The following NSF variants were observed in gnomAD, a reference collection of about 807,000 sequenced individuals.
The protein encoded by NSF is N-ethylmaleimide sensitive factor, vesicle fusing ATPase, also known as vesicle-fusing ATPase.
In NSF, 14 loss-of-function variants were observed where a neutral mutation model predicts 50.3. That is an observed-to-expected ratio of 0.28 (90% CI 0.18 to 0.44). The LOEUF (loss-of-function observed/expected upper bound fraction) is 0.44. NSF is among the 20% of genes least tolerant of loss of function. The pLI is 1.00. For synonymous variants in NSF, 109 were observed against 175.7 expected, an observed-to-expected ratio of 0.62 and a Z score of 3.00; for missense variants, 218 against 504.3, an observed-to-expected ratio of 0.43 and a Z score of 5.44.
At chr17:46,711,192 C>G (rs2058716314) in intron 14 of NSF, 73 bp downstream of exon 14, 1 of 1,338,672 alleles carries the variant, frequency 7.5e-7, no homozygotes, top group African/African-American at 1.5e-5. Flanking sequence ...CCCGTAAGCA[C>G]ATTCTAGAAA....
intron 17 of NSF, among the ~76,000 whole-genome samples, chr17:46,737,562 GGTGTGTGTGC>G (rs1342083372): frequency 2.4e-5 from 3 of 124,722 alleles, no homozygotes; most frequent in African/African-American, 8.2e-5. Flanking sequence ...GTTCACCTAG[GGTGTGTGTGC>G]GTGTGTGTGT....
intron 15 of NSF, among the ~76,000 whole-genome samples, chr17:46,716,747 A>T (rs116306872): frequency 1.5e-3 from 224 of 152,338 alleles, no homozygotes; most frequent in African/African-American, 5.2e-3. Context: ...AGAAAATAAC[A>T]ATAAATTCAT....
In NSF at chr17:46,694,243, C is replaced by T. The variant is rs531838744; in HGVS notation, c.1187-232C>T. Among the ~76,000 whole-genome samples, 42 of 137,204 alleles carry T rather than the reference C, an allele frequency of 3.1e-4. 12 individuals are homozygous for T. Among genetic ancestry groups the T allele is most frequent in the African/African-American group, 1.2e-3 (39 of 31,948 alleles). 90.0% of individuals were successfully genotyped at this position (137,204 alleles called of 152,430 possible). A position where few individuals can be genotyped will look rare whatever the true frequency, so the allele number is the denominator to read the frequency against. Reference sequence around the variant, plus strand: ...CTACTAAAAATACAAAAAACTTAGCCGAGTGTGGTGGTGTGCACCTGTAAT... The same window carrying T: ...CTACTAAAAATACAAAAAACTTAGCTGAGTGTGGTGGTGTGCACCTGTAAT... On this transcript the variant is annotated intron_variant, in intron 11 of 20. Coordinates refer to ENST00000398238, the MANE Select transcript of NSF (RefSeq NM_006178.4).
chr17:46,714,575 A>C (rs1398799585), intron 15 of NSF, among the ~76,000 whole-genome samples: 1 of 152,206 alleles, frequency 6.6e-6, no homozygotes, highest in East Asian at 1.9e-4. Flanking sequence ...ATAGAATCCT[A>C]GAGCTGAAAA....
intron 16 of NSF, 66 bp from the exon 17 acceptor site, chr17:46,728,789 A>G: frequency 8.4e-7 from 1 of 1,192,382 alleles, no homozygotes; most frequent in Non-Finnish European, 1.2e-6. Flanking sequence ...AAAAAAACAA[A>G]AACTGAATGT....
intron 1 of NSF, among the ~76,000 whole-genome samples, chr17:46,610,108 TC>T (rs1836560354): frequency 2.5e-5 from 3 of 120,686 alleles, no homozygotes; most frequent in East Asian, 4.0e-4. Context: ...TTTCTCTCTC[TC>T]TCTCTCTCTC....
intron 19 of NSF, 101 bp downstream of exon 19, chr17:46,751,717 T>G: frequency 3.1e-6 from 2 of 654,206 alleles, no homozygotes; most frequent in East Asian, 5.9e-5. Flanking sequence ...TTAATTTAAG[T>G]TTTGATTTTC....
rs547534113 is a variant in NSF at position 46,671,798 on chromosome 17, A to G, written c.746-2616A>G. Among the ~76,000 whole-genome samples, 802 of 132,744 alleles carry G rather than the reference A, an allele frequency of 6.0e-3. 48 individuals carry two copies. Among genetic ancestry groups the G allele is most frequent in the African/African-American group, 0.02 (745 of 36,832 alleles). The allele number at this position is 132,744 out of a possible 152,430, so 87.1% of individuals were successfully genotyped here. On this transcript the variant is annotated intron_variant, in intron 8 of 20. Coordinates refer to ENST00000398238, the MANE Select transcript of NSF (RefSeq NM_006178.4). ...TAGTTCAAAACACATTAATTTGAGC[A>G]TTTTCTGTGTACAGAAGCATAGTTG... is the stretch of plus-strand genomic sequence containing the variant.
In NSF at chr17:46,711,447, A is replaced by G. The variant is rs118059088; in HGVS notation, c.1627+328A>G. 5.1e-3 allele frequency among the ~76,000 whole-genome samples: 782 copies of G among 152,348 alleles called. 7 individuals are homozygous for G. Among genetic ancestry groups the G allele is most frequent in the South Asian group, 0.011 (51 of 4,828 alleles). On this transcript the variant is annotated intron_variant, in intron 14 of 20. Transcript: ENST00000398238. The stretch of plus-strand genomic sequence containing the variant: ...GTACTTGTATTTTAGTCATTGAACT[A>G]GTTGCTGGGGATACAAAGACATTCA...
intron 17 of NSF, among the ~76,000 whole-genome samples, chr17:46,747,038 G>A (rs1372843066): frequency 6.6e-6 from 1 of 152,144 alleles, no homozygotes; most frequent in Non-Finnish European, 1.5e-5. Flanking sequence ...TGGGAAAAAT[G>A]TACACATACT....
At chr17:46,717,657 A>G (rs1285233004) in intron 15 of NSF, among the ~76,000 whole-genome samples, 1 of 152,200 alleles carries the variant, frequency 6.6e-6, no homozygotes, top group African/African-American at 2.4e-5. Context: ...GGTTGCAGTG[A>G]GCTGAGAGCA....
intron 8 of NSF, among the ~76,000 whole-genome samples, chr17:46,649,467 G>C (rs1379506048): frequency 6.6e-6 from 1 of 152,044 alleles, no homozygotes; most frequent in Non-Finnish European, 1.5e-5. Context: ...AACTGGGCGT[G>C]AATTTGTTTT....
At chr17:46,720,549 T>A (rs919121676) in intron 15 of NSF, among the ~76,000 whole-genome samples, 12 of 152,162 alleles carry the variant, frequency 7.9e-5, no homozygotes, top group African/African-American at 2.9e-4. Flanking sequence ...ACAGCTAATG[T>A]TTGCTTGGTC....
intron 13 of NSF, among the ~76,000 whole-genome samples, chr17:46,707,267 C>G (rs1378511686): frequency 6.6e-6 from 1 of 152,198 alleles, no homozygotes; most frequent in Non-Finnish European, 1.5e-5. Context: ...TGACCATATG[C>G]ATGTATTGTG....
In NSF at chr17:46,598,462, A is replaced by G. The variant is rs536512864; in HGVS notation, c.12+7675A>G. Among the ~76,000 whole-genome samples, 134 of 152,122 alleles carry G rather than the reference A, an allele frequency of 8.8e-4. 2 individuals carry two copies. The Middle Eastern group carries it at 0.024, about 27-fold the overall frequency. On this transcript the variant is annotated intron_variant, in intron 1 of 20. Transcript: ENST00000398238. ...CAGCAGTCCCTTTCTGAAAATACAC[A>G]TACTTTAGTGCAAATAAAGCCAGTG...
intron 17 of NSF, among the ~76,000 whole-genome samples, chr17:46,739,432 G>A (rs975161600): frequency 1.1e-4 from 16 of 143,684 alleles, no homozygotes; most frequent in African/African-American, 4.2e-4. Context: ...CCAGCTACTC[G>A]GGAGGCTGAA....
intron 15 of NSF, 81 bp from the exon 16 acceptor site, chr17:46,726,468 C>A: frequency 7.9e-7 from 1 of 1,268,904 alleles, no homozygotes; most frequent in South Asian, 1.2e-5. Context: ...TTTAGTATTG[C>A]TCAAGAAGTA....
intron 16 of NSF, among the ~76,000 whole-genome samples, 156 bp from the exon 17 acceptor site, chr17:46,728,697 CTG>C (rs925129167): frequency 5.4e-4 from 82 of 150,482 alleles, no homozygotes; most frequent in Middle Eastern, 6.8e-3. Flanking sequence ...TTATTTAAGA[CTG>C]TTTACTCTTT....
intron 8 of NSF, among the ~76,000 whole-genome samples, chr17:46,667,731 CA>C (rs1355820569): frequency 1.6e-5 from 2 of 123,566 alleles, no homozygotes; most frequent in Non-Finnish European, 3.7e-5. Flanking sequence ...TTCGATTATA[CA>C]CAAGACTTTG....
Sources: gnomAD v4.1 joint callset for allele counts (sites outside exome capture counted in the v4.1 genomes callset) on GRCh38, gnomAD v4.1.1 for gene constraint, MANE v1.5 for transcripts, NCBI Gene and HGNC (gene_info 2026-07-23, HGNC 2026-07-21) for gene names.